PCDHGA1: variants seen among roughly 807,000 people sequenced by gnomAD.
The protein encoded by PCDHGA1 is protocadherin gamma-A1.
Under a neutral mutation model 58.0 loss-of-function variants are expected in PCDHGA1, and 32 were observed. The ratio of observed to expected loss-of-function variants is 0.55; its 90% CI spans 0.42 to 0.74. PCDHGA1 has a LOEUF of 0.74. Among genes scored for constraint, PCDHGA1 ranks in the 30% least tolerant of loss-of-function variants. PCDHGA1 has a pLI of 0.00. For missense variants in PCDHGA1, 1,205 were observed against 1,182.3 expected, an observed-to-expected ratio of 1.02 and a Z score of -0.28; for synonymous variants, 498 against 501.1, an observed-to-expected ratio of 0.99 and a Z score of 0.08.
intron 1 of PCDHGA1, among the ~76,000 whole-genome samples, chr5:141,425,338 G>A (rs561085111): frequency 6.6e-6 from 1 of 152,290 alleles, no homozygotes; most frequent in African/African-American, 2.4e-5. Flanking sequence ...AAAAGGAAGG[G>A]TTGGCTTTGA....
intron 1 of PCDHGA1, among the ~76,000 whole-genome samples, chr5:141,402,701 G>T (rs1561683907): frequency 1.3e-5 from 2 of 152,178 alleles, no homozygotes; most frequent in African/African-American, 2.4e-5. Context: ...ACATCAGTGG[G>T]TGTAGTAACG....
At chr5:141,447,988 A>C (rs1234413003) in intron 1 of PCDHGA1, among the ~76,000 whole-genome samples, 1 of 152,018 alleles carries the variant, frequency 6.6e-6, no homozygotes, top group Non-Finnish European at 1.5e-5. Flanking sequence ...CGGGAGGCTG[A>C]GGCATGAGAA....
intron 1 of PCDHGA1, chr5:141,345,341 TC>T: frequency 1.9e-6 from 3 of 1,613,954 alleles, no homozygotes; most frequent in Non-Finnish European, 8.5e-7. Context: ...CCACAGAAAC[TC>T]ACATCACCCT....
At chr5:141,451,557 G>T (rs192150041) in intron 1 of PCDHGA1, among the ~76,000 whole-genome samples, 2 of 152,234 alleles carry the variant, frequency 1.3e-5, no homozygotes, top group East Asian at 3.9e-4. Context: ...TGTGATGAAA[G>T]CCACAATCTT....
intron 1 of PCDHGA1, chr5:141,372,617 C>A: frequency 6.2e-7 from 1 of 1,614,010 alleles, no homozygotes; most frequent in South Asian, 1.1e-5. Flanking sequence ...GAGTTCTCCC[C>A]ACCTACAGCG....
intron 1 of PCDHGA1, chr5:141,388,796 A>G: frequency 6.2e-7 from 1 of 1,613,952 alleles, no homozygotes; most frequent in Non-Finnish European, 8.5e-7. Flanking sequence ...TTTTAAATAC[A>G]TTAGATTTTG....
chr5:141,409,171 C>G, intron 1 of PCDHGA1: 1 of 1,613,962 alleles, frequency 6.2e-7, no homozygotes, highest in South Asian at 1.1e-5. Flanking sequence ...AAGCGAAGGA[C>G]GGAGGTGGTC....
rs758266181 is a variant in PCDHGA1 at position 141,476,561 on chromosome 5, G to A, written c.2422-18246G>A. 1.9e-6 allele frequency: 3 copies of A among 1,614,100 alleles called. No homozygotes were observed. The highest frequency in any genetic ancestry group is 2.5e-6 in the Non-Finnish European group (3 of 1,180,050). Reference sequence around the variant, plus strand: ...GAAATTGGAGATTAGCGAGGCCGTGGCTCCGGGGACGCGCTTTCCGCTCGA... The same window carrying A: ...GAAATTGGAGATTAGCGAGGCCGTGACTCCGGGGACGCGCTTTCCGCTCGA... On this transcript the variant is annotated intron_variant, in intron 1 of 3. Coordinates refer to ENST00000517417, the MANE Select transcript of PCDHGA1 (RefSeq NM_018912.3). This position sits in a 1 kb window ranked among gnomAD's most constrained non-coding sequence, Gnocchi z 7.6.
At chr5:141,386,834 G>A (rs1253552836) in intron 1 of PCDHGA1, among the ~76,000 whole-genome samples, 1 of 152,192 alleles carries the variant, frequency 6.6e-6, no homozygotes, top group East Asian at 1.9e-4. Context: ...GCAATGGAGA[G>A]ACATAATCAC....
intron 1 of PCDHGA1, chr5:141,492,046 A>C: frequency 6.1e-6 from 3 of 494,434 alleles, no homozygotes; most frequent in South Asian, 8.1e-5. Flanking sequence ...TCACAGATCC[A>C]CCCCTGCAGC....
chr5:141,419,878 G>T (rs1342215231), intron 1 of PCDHGA1: 1 of 1,613,942 alleles, frequency 6.2e-7, no homozygotes, highest in African/African-American at 1.3e-5. Context: ...AGGTACTGCC[G>T]GATTTCAGCG....
chr5:141,408,211 G>A (rs1285774248), intron 1 of PCDHGA1: 1 of 1,554,426 alleles, frequency 6.4e-7, no homozygotes, highest in South Asian at 1.2e-5. Flanking sequence ...CGATGGGAGG[G>A]AGCTGCGCGC....
At chr5:141,375,139 A>G (rs1406415297) in intron 1 of PCDHGA1, 11 of 1,613,936 alleles carry the variant, frequency 6.8e-6, no homozygotes, top group Non-Finnish European at 9.3e-6. Context: ...TTACATCTGG[A>G]AGCAGAACAA....
At chr5:141,449,948 C>T (rs1294423807) in intron 1 of PCDHGA1, among the ~76,000 whole-genome samples, 1 of 151,034 alleles carries the variant, frequency 6.6e-6, no homozygotes, top group Non-Finnish European at 1.5e-5. Context: ...TTTTACTATA[C>T]CTCATAGTAA....
At chr5:141,419,917 T>C in intron 1 of PCDHGA1, 1 of 1,612,890 alleles carries the variant, frequency 6.2e-7, no homozygotes, top group Non-Finnish European at 8.5e-7. Context: ...ACTCCCAGGC[T>C]GAGATGCAGT....
rs1561863226 is a variant in PCDHGA1, at chr5:141,432,653, C to T, written c.2422-62154C>T. On this transcript the variant is annotated intron_variant, in intron 1 of 3. Transcript: ENST00000517417. The surrounding 1 kb of genome is among the most constrained non-coding windows in gnomAD (Gnocchi z 6.0). Reference sequence around the variant, plus strand: ...GGGCGAGGTGCGCACGGCGCGAGCCCTGCTGGACAGAGACGCGCTCAAGCA... The same window carrying T: ...GGGCGAGGTGCGCACGGCGCGAGCCTTGCTGGACAGAGACGCGCTCAAGCA... 5 of 1,613,852 alleles carry T rather than the reference C, an allele frequency of 3.1e-6. No individual in the cohort carries two copies. In the South Asian group the frequency reaches 4.4e-5, roughly 14 times the overall value.
chr5:141,392,299 T>C (rs1165805349), intron 1 of PCDHGA1: 1 of 151,994 alleles, frequency 6.6e-6, no homozygotes, highest in African/African-American at 2.4e-5. Flanking sequence ...GAAATGAAAG[T>C]ATCATGTTTT....
At chr5:141,440,484 A>G (rs190024112) in intron 1 of PCDHGA1, 36 of 152,300 alleles carry the variant, frequency 2.4e-4, no homozygotes, top group Non-Finnish European at 4.7e-4. Context: ...AATTCTTTAA[A>G]TGTTTTTCAC....
chr5:141,446,771 A>G (rs1008985621), intron 1 of PCDHGA1, among the ~76,000 whole-genome samples: 3 of 152,158 alleles, frequency 2.0e-5, no homozygotes, highest in Admixed American at 2.0e-4. Flanking sequence ...CCAGCCGGTT[A>G]CCATTCTTTT....
Sources: gnomAD v4.1 joint callset for allele counts (sites outside exome capture counted in the v4.1 genomes callset) on GRCh38, gnomAD v4.1.1 for gene constraint, Gnocchi (gnomAD v3.1) non-coding constraint, MANE v1.5 for transcripts, NCBI Gene and HGNC (gene_info 2026-07-23, HGNC 2026-07-21) for gene names.